Variants in LRRIQ1 observed in about 807,000 individuals in gnomAD.
The protein encoded by LRRIQ1 is leucine rich repeats and IQ motif containing 1, also known as leucine-rich repeat- and IQ domain-containing protein 1.
A neutral mutation model predicts 211.9 loss-of-function variants in LRRIQ1; 210 were observed. The observed-to-expected ratio is 0.99, with a 90% CI of 0.89 to 1.11. The LOEUF is 1.11. LRRIQ1 is among the 50% of genes most tolerant of loss of function. The pLI is 0.00. For missense variants in LRRIQ1, 2,136 were observed against 1,939.5 expected, an observed-to-expected ratio of 1.10 and a Z score of -1.90; for synonymous variants, 699 against 650.1, an observed-to-expected ratio of 1.08 and a Z score of -1.14.
At chr12:85,188,996 C>T (rs1192612858) in intron 24 of LRRIQ1, among the ~76,000 whole-genome samples, 3 of 152,096 alleles carry the variant, frequency 2.0e-5, no homozygotes, top group Admixed American at 6.6e-5. Flanking sequence ...TTTGAACTGA[C>T]GCCTTTGGTA....
At chr12:85,108,943 G>A (rs916072211) in intron 15 of LRRIQ1, among the ~76,000 whole-genome samples, 3 of 151,854 alleles carry the variant, frequency 2.0e-5, no homozygotes, top group East Asian at 1.9e-4. Context: ...ATTTGTTCAG[G>A]CAGTTAAAAT....
In LRRIQ1 at chr12:85,181,534, T is replaced by A. The variant is rs1891981952; in HGVS notation, c.4822+20820T>A. ...TTTAAAGAGAAATGATTATATCAAT[T>A]ACTATTTGAACATTAGTGAATTATT... is the stretch of plus-strand genomic sequence containing the variant. On this transcript the variant is annotated intron_variant, in intron 24 of 26. Transcript: ENST00000393217. Among the ~76,000 whole-genome samples the A allele has an allele frequency of 2.0e-5, 3 of 152,006 alleles. No homozygotes were observed. In the South Asian group the frequency reaches 6.2e-4, roughly 31 times the overall value.
chr12:85,206,214 G>A (rs1345685760), intron 24 of LRRIQ1, among the ~76,000 whole-genome samples: 1 of 152,220 alleles, frequency 6.6e-6, no homozygotes, highest in Non-Finnish European at 1.5e-5. Flanking sequence ...GAGTTGCAGA[G>A]GGGGACTACT....
intron 24 of LRRIQ1, among the ~76,000 whole-genome samples, chr12:85,185,213 T>G (rs1296162584): frequency 6.6e-6 from 1 of 151,990 alleles, no homozygotes; most frequent in African/African-American, 2.4e-5. Flanking sequence ...AATTTCACTC[T>G]TCTTCAGATG....
rs776535724 is a variant in LRRIQ1 at position 85,056,393 on chromosome 12, G to A, written c.1600G>A (p.Ala534Thr). 6.3e-7 allele frequency: 1 copy of A among 1,588,514 alleles called. No homozygotes were observed. The highest frequency in any genetic ancestry group is 2.2e-5 in the East Asian group (1 of 44,488). ...QFPLQELKSD[A>T]QKEEKIMKHV... The stretch of plus-strand genomic sequence containing the variant: ...TCCATTGCAAGAATTAAAGTCTGAT[G>A]CACAAAAAGAAGAAAAAATCATGAA... Residue 534 changes from alanine (A) to threonine (T), a missense_variant, in exon 8 of 27, where the codon GCA becomes ACA. Transcript: ENST00000393217.
intron 8 of LRRIQ1, among the ~76,000 whole-genome samples, chr12:85,058,537 A>C (rs990780365): frequency 1.3e-5 from 2 of 152,008 alleles, no homozygotes; most frequent in African/African-American, 4.8e-5. Context: ...CAGAAACAGT[A>C]GTGTTCCTCC....
At chr12:85,105,106 T>G (rs937245062) in intron 14 of LRRIQ1, among the ~76,000 whole-genome samples, 3 of 152,098 alleles carry the variant, frequency 2.0e-5, no homozygotes, top group Non-Finnish European at 2.9e-5. Context: ...TTATTTTTCT[T>G]ATTGATCTAT....
intron 11 of LRRIQ1, among the ~76,000 whole-genome samples, chr12:85,084,751 C>T (rs1434219095): frequency 6.6e-6 from 1 of 151,830 alleles, no homozygotes; most frequent in African/African-American, 2.4e-5. Flanking sequence ...CATGGTGAAA[C>T]CCTGTCTCTA....
chr12:85,091,096 C>T (rs918902546), intron 11 of LRRIQ1, among the ~76,000 whole-genome samples: 1 of 151,852 alleles, frequency 6.6e-6, no homozygotes, highest in Non-Finnish European at 1.5e-5. Context: ...TTTTTTTTAC[C>T]TTGTGACATG....
rs758609487 is a variant in LRRIQ1, at chr12:85,046,064, C to T, written c.381C>T (p.Thr127=). Residue 127 remains threonine, a synonymous_variant, in exon 5 of 27, where the codon ACC becomes ACT. Transcript: ENST00000393217. ...AAGAAGAATTTATGAGAAGTAAAACCGATTGTGCCACTCCTGATTTTGTTC... is the reference window on the plus strand; with the variant it reads ...AAGAAGAATTTATGAGAAGTAAAACTGATTGTGCCACTCCTGATTTTGTTC... The part of the protein sequence containing the change: ...IEKEEFMRSK[T]DCATPDFVPE... 7.4e-6 allele frequency: 12 copies of T among 1,610,948 alleles called. No individual in the cohort carries two copies. The highest frequency in any genetic ancestry group is 4.0e-5 in the African/African-American group (3 of 74,800).
chr12:85,137,978 G>A lies in LRRIQ1; in HGVS notation c.4329+9G>A, dbSNP rs200268546. On this transcript the variant is annotated intron_variant, in intron 19 of 26. Coordinates refer to ENST00000393217, the MANE Select transcript of LRRIQ1 (RefSeq NM_001079910.2). ...ATTTTATATTTGATGAAGTAAGTAC[G>A]AACTATAGTATATAAATATTGGTCT... is the stretch of plus-strand genomic sequence containing the variant. 4.7e-4 allele frequency: 624 copies of A among 1,321,576 alleles called. 11 individuals carry two copies. In the South Asian group the frequency reaches 7.5e-3, roughly 16 times the overall value. 81.9% of individuals were successfully genotyped at this position (1,321,576 alleles called of 1,614,324 possible). A position where few individuals can be genotyped will look rare whatever the true frequency, so the allele number is the denominator to read the frequency against.
chr12:85,063,097 A>G (rs762918859), intron 8 of LRRIQ1, among the ~76,000 whole-genome samples: 5 of 151,398 alleles, frequency 3.3e-5, no homozygotes, highest in Non-Finnish European at 7.4e-5. Flanking sequence ...GCTGCATATT[A>G]TATGTTTGTC....
At chr12:85,249,068 G>C (rs1392897667), downstream of LRRIQ1, among the ~76,000 whole-genome samples, 1 of 151,698 alleles carries the variant, frequency 6.6e-6, no homozygotes, top group African/African-American at 2.4e-5. Flanking sequence ...TTCTGAATCT[G>C]TTCTAACATT....
At position 85,251,106 on chromosome 12, in the gene LRRIQ1, AT is replaced by A. The variant is rs978080599; in HGVS notation, c.121+6200del. ...ATGAAGAACGTCTTTATGAAAAGTAATTTGGACTCAATTTTCTTCTCTTTAA... is the reference window on the plus strand; with the variant it reads ...ATGAAGAACGTCTTTATGAAAAGTAATTGGACTCAATTTTCTTCTCTTTAA... On this transcript the variant is annotated intron_variant, in intron 1 of 1. Transcript: ENST00000602731. Among the ~76,000 whole-genome samples the A allele has an allele frequency of 3.1e-4, 45 of 147,476 alleles. No homozygotes were observed. In the East Asian group the frequency reaches 4.2e-3, roughly 14 times the overall value.
chr12:85,264,086 A>G (rs1208226186), exon 2 of LRRIQ1: 3 of 151,960 alleles, frequency 2.0e-5, no homozygotes, highest in Non-Finnish European at 4.4e-5. Flanking sequence ...CCTGTATTTT[A>G]TTAAAATATT....
At position 85,124,352 on chromosome 12, in the gene LRRIQ1, C is replaced by T. The variant is rs568536441; in HGVS notation, c.3840C>T (p.Ser1280=). The part of the protein sequence containing the change: ...SVSSHSPLSK[S]ATCENMEGRH... ...CCAGCCACTCCCCATTAAGCAAATC[C>T]GCCACATGTGAAAATATGGAAGGAA... The change falls in exon 17 of 27, where the codon TCC becomes TCT. Residue 1280 remains serine (S), a synonymous_variant. Coordinates refer to ENST00000393217, the MANE Select transcript of LRRIQ1 (RefSeq NM_001079910.2). The T allele has an allele frequency of 1.5e-4, 237 of 1,613,956 alleles. 1 individual carries two copies. In the South Asian group the frequency reaches 1.7e-3, roughly 12 times the overall value.
At chr12:85,138,749 C>T (rs1235206159) in intron 19 of LRRIQ1, among the ~76,000 whole-genome samples, 1 of 151,358 alleles carries the variant, frequency 6.6e-6, no homozygotes, top group African/African-American at 2.4e-5. Context: ...CACTTAAAAT[C>T]TTTTATGCTA....
At chr12:85,261,536 A>G (rs1896286008) in intron 1 of LRRIQ1, among the ~76,000 whole-genome samples, 1 of 151,654 alleles carries the variant, frequency 6.6e-6, no homozygotes, top group Non-Finnish European at 1.5e-5. Context: ...GAAAAGTATT[A>G]ATCTCAAAAA....
intron 26 of LRRIQ1, among the ~76,000 whole-genome samples, chr12:85,236,573 G>T (rs1400843066): frequency 6.6e-6 from 1 of 151,926 alleles, no homozygotes; most frequent in African/African-American, 2.4e-5. Flanking sequence ...TATTGCAGAA[G>T]GATGTCACCA....
Sources: gnomAD v4.1 joint callset for allele counts (sites outside exome capture counted in the v4.1 genomes callset) on GRCh38, gnomAD v4.1.1 for gene constraint, MANE v1.5 for transcripts, NCBI Gene and HGNC (gene_info 2026-07-23, HGNC 2026-07-21) for gene names.